CNTN5: variants seen among roughly 807,000 people sequenced by gnomAD.
The protein encoded by CNTN5 is contactin 5, also known as contactin-5.
Under a neutral mutation model 129.1 loss-of-function variants are expected in CNTN5, and 77 were observed. That is an observed-to-expected ratio of 0.60 (90% CI 0.50 to 0.72). CNTN5 has a LOEUF of 0.72. Among genes scored for constraint, CNTN5 ranks in the 30% least tolerant of loss-of-function variants. The pLI, the probability that CNTN5 is intolerant of heterozygous loss-of-function variation, is 0.00. For missense variants in CNTN5, 1,478 were observed against 1,328.8 expected (o/e 1.11, Z -1.75); for synonymous variants, 509 against 465.6 (o/e 1.09, Z -1.20).
chr11:99,516,043 C>T (rs1947038403), intron 2 of CNTN5, among the ~76,000 whole-genome samples: 1 of 151,184 alleles, frequency 6.6e-6, no homozygotes. Flanking sequence ...TACACTAAAA[C>T]AGTGGTTCAC....
At chr11:99,456,314 T>C (rs1944494806) in intron 2 of CNTN5, among the ~76,000 whole-genome samples, 1 of 152,112 alleles carries the variant, frequency 6.6e-6, no homozygotes, top group Admixed American at 6.6e-5. Context: ...AGGTGGTTCT[T>C]TAGGTGGTTC....
chr11:100,235,546 CCTAA>C (rs1949594707), intron 16 of CNTN5, among the ~76,000 whole-genome samples: 6 of 152,016 alleles, frequency 3.9e-5, no homozygotes, highest in East Asian at 1.9e-4. Context: ...CCAAAGCAGC[CCTAA>C]CTAAGGCCCA....
chr11:99,484,819 T>C (rs1043667628), intron 2 of CNTN5, among the ~76,000 whole-genome samples: 1 of 152,086 alleles, frequency 6.6e-6, no homozygotes, highest in African/African-American at 2.4e-5. Flanking sequence ...TTCACATTCA[T>C]ATGTGGAAGC....
At position 100,071,804 on chromosome 11, in the gene CNTN5, A is replaced by C; in HGVS notation, c.1399A>C (p.Ile467Leu). The C allele has an allele frequency of 6.2e-7, 1 of 1,607,840 alleles. No individual in the cohort carries two copies. The highest frequency in any genetic ancestry group is 8.5e-7 in the Non-Finnish European group (1 of 1,177,426). ...QCLAENKYGA[I>L]YASAELKILA... ...TTTGGCTGAAAATAAGTATGGAGCC[A>C]TTTACGCTAGTGCTGAGCTGAAGAT... The change falls in exon 12 of 25, where the codon ATT (isoleucine) becomes CTT (leucine). Residue 467 changes from isoleucine (I) to leucine (L), a missense_variant. By Grantham distance (5) the Ile-to-Leu change is conservative (BLOSUM62 2). Coordinates refer to ENST00000524871, the MANE Select transcript of CNTN5 (RefSeq NM_014361.4).
chr11:100,213,667 A>G lies in CNTN5; in HGVS notation c.1885-11025A>G, dbSNP rs544626567. Among the ~76,000 whole-genome samples the G allele has an allele frequency of 7.9e-5, 12 of 152,270 alleles. No individual in the cohort carries two copies. In the South Asian group the frequency reaches 2.5e-3, roughly 32 times the overall value. On this transcript the variant is annotated intron_variant, in intron 15 of 24. Coordinates refer to ENST00000524871, the MANE Select transcript of CNTN5 (RefSeq NM_014361.4). ...TGGTTTTGATTGACACATCTATTCAAATTGACCTTTTTTTAAACTGAACTA... is the reference window on the plus strand; with the variant it reads ...TGGTTTTGATTGACACATCTATTCAGATTGACCTTTTTTTAAACTGAACTA...
intron 8 of CNTN5, among the ~76,000 whole-genome samples, chr11:99,967,756 C>T (rs1205512251): frequency 6.6e-6 from 1 of 152,102 alleles, no homozygotes; most frequent in African/African-American, 2.4e-5. Context: ...TGTGCCTCTC[C>T]CTGTAACAGT....
At chr11:100,104,002 G>A (rs575514941) in intron 13 of CNTN5, among the ~76,000 whole-genome samples, 81 of 151,862 alleles carry the variant, frequency 5.3e-4, no homozygotes, top group African/African-American at 1.8e-3. Context: ...TTTTTGTCAA[G>A]TAGAATGGAA....
At chr11:99,918,375 G>A (rs951949534) in intron 7 of CNTN5, among the ~76,000 whole-genome samples, 1 of 152,038 alleles carries the variant, frequency 6.6e-6, no homozygotes, top group Admixed American at 6.6e-5. Flanking sequence ...CAAAAAACCA[G>A]TTATACAGAC....
At chr11:99,612,875 C>T (rs1950632605) in intron 3 of CNTN5, among the ~76,000 whole-genome samples, 1 of 152,122 alleles carries the variant, frequency 6.6e-6, no homozygotes, top group African/African-American at 2.4e-5. Flanking sequence ...GAAGTTGACA[C>T]ACCAGTAGAC....
At chr11:99,616,790 T>A (rs1052852285) in intron 3 of CNTN5, among the ~76,000 whole-genome samples, 1 of 152,156 alleles carries the variant, frequency 6.6e-6, no homozygotes, top group Non-Finnish European at 1.5e-5. Context: ...GAGGCTGGAA[T>A]TAAGGAAAGC....
chr11:99,676,716 A>C (rs1490278688), intron 3 of CNTN5, among the ~76,000 whole-genome samples: 3 of 152,186 alleles, frequency 2.0e-5, no homozygotes, highest in Admixed American at 6.6e-5. Flanking sequence ...CTAGAACTTA[A>C]AGTATAATTA....
At chr11:99,117,880 C>T (rs978486008) in intron 1 of CNTN5, among the ~76,000 whole-genome samples, 1 of 152,136 alleles carries the variant, frequency 6.6e-6, no homozygotes, top group Admixed American at 6.6e-5. Context: ...CTCCCAGTCT[C>T]CAGAACTGTG....
rs190933853 is a variant in CNTN5, at chr11:99,624,651, C to T, written c.55+68382C>T. ...TCTCATTTTCAATAGATAGCTGTAACATTCTTATATATTTGAGAAAGCATA... is the reference window on the plus strand; with the variant it reads ...TCTCATTTTCAATAGATAGCTGTAATATTCTTATATATTTGAGAAAGCATA... On this transcript the variant is annotated intron_variant, in intron 3 of 24. Coordinates refer to ENST00000524871, the MANE Select transcript of CNTN5 (RefSeq NM_014361.4). 4.0e-3 allele frequency among the ~76,000 whole-genome samples: 616 copies of T among 152,192 alleles called. 1 individual carries two copies. Among genetic ancestry groups the T allele is most frequent in the Non-Finnish European group, 6.6e-3 (451 of 67,988 alleles).
At chr11:99,105,571 T>C (rs2135365316) in intron 1 of CNTN5, among the ~76,000 whole-genome samples, 1 of 152,260 alleles carries the variant, frequency 6.6e-6, no homozygotes, top group Admixed American at 6.5e-5. Flanking sequence ...ACAGAGCTTG[T>C]GAGTTCTTTT....
chr11:99,849,139 TTATCCA>T (rs1250285402), intron 6 of CNTN5, among the ~76,000 whole-genome samples: 2 of 151,866 alleles, frequency 1.3e-5, no homozygotes, highest in East Asian at 3.9e-4. Flanking sequence ...AAGAATTAAG[TTATCCA>T]TATACTAACA....
intron 15 of CNTN5, among the ~76,000 whole-genome samples, chr11:100,203,674 A>T (rs1948838766): frequency 6.6e-6 from 1 of 151,538 alleles, no homozygotes; most frequent in African/African-American, 2.4e-5. Flanking sequence ...TATTCCCAGC[A>T]CTTATTTCTA....
chr11:100,135,996 T>C (rs946633654), intron 13 of CNTN5, among the ~76,000 whole-genome samples: 2 of 152,156 alleles, frequency 1.3e-5, no homozygotes, highest in Admixed American at 6.6e-5. Context: ...GTCACCATTA[T>C]CTGGAAGTTC....
intron 1 of CNTN5, among the ~76,000 whole-genome samples, chr11:99,048,666 A>G (rs552581312): frequency 6.6e-5 from 10 of 152,240 alleles, no homozygotes; most frequent in Middle Eastern, 3.4e-3. Flanking sequence ...TTACCAAACT[A>G]CATTATGCTA....
At chr11:99,405,085 A>G (rs1234907041) in intron 2 of CNTN5, among the ~76,000 whole-genome samples, 1 of 152,136 alleles carries the variant, frequency 6.6e-6, no homozygotes, top group Non-Finnish European at 1.5e-5. Context: ...AAAGCCTGCT[A>G]CCAGATGTAT....
Sources: allele counts gnomAD v4.1 joint callset (sites outside exome capture counted in the v4.1 genomes callset), GRCh38; gene constraint gnomAD v4.1.1; transcripts MANE v1.5; gene names NCBI Gene and HGNC (gene_info 2026-07-23, HGNC 2026-07-21).